DYNC1H1: variants seen among roughly 807,000 people sequenced by gnomAD.
DYNC1H1 encodes the protein cytoplasmic dynein 1 heavy chain 1.
Under a neutral mutation model 527.1 loss-of-function variants are expected in DYNC1H1, and 51 were observed. That is an observed-to-expected ratio of 0.10 (90% CI 0.08 to 0.12). The LOEUF is 0.12. Among genes scored for constraint, DYNC1H1 ranks in the 10% least tolerant of loss-of-function variants. DYNC1H1 has a pLI of 1.00. For synonymous variants in DYNC1H1, 2,189 were observed against 2,278.8 expected (o/e 0.96, Z 1.12); for missense variants, 2,771 against 5,971.8 (o/e 0.46, Z 17.66).
At chr14:102,013,205 C>T (rs562759716) in intron 34 of DYNC1H1, among the ~76,000 whole-genome samples, 57 of 143,390 alleles carry the variant, frequency 4.0e-4, no homozygotes, top group Non-Finnish European at 6.2e-4. Flanking sequence ...GCCGAGATCG[C>T]GCCACTGCAC....
In DYNC1H1 at chr14:102,022,157, G is replaced by A. The variant is rs564655339; in HGVS notation, c.8508-594G>A. Among the ~76,000 whole-genome samples the A allele has an allele frequency of 1.5e-4, 23 of 151,726 alleles. No homozygotes were observed. In the East Asian group the frequency reaches 1.8e-3, roughly 12 times the overall value. ...TAAGTAAGTAAGTAAGTAAGATCGC[G>A]CCACTGCACTTCAGCCTGTTGCCAG... On this transcript the variant is annotated intron_variant, in intron 42 of 77. Transcript: ENST00000360184.
At position 102,033,592 on chromosome 14, in the gene DYNC1H1, T is replaced by A; in HGVS notation, c.10413+108T>A. ...TGCTGGCCTCGGTGAATTCGCTCTT[T>A]AACATCTGTAAGGCCCCGGAGGACT... On this transcript the variant is annotated intron_variant, in intron 54 of 77. Coordinates refer to ENST00000360184, the MANE Select transcript of DYNC1H1 (RefSeq NM_001376.5). This position sits in a 1 kb window ranked among gnomAD's most constrained non-coding sequence, Gnocchi z 5.6. 7.0e-7 allele frequency: 1 copy of A among 1,425,416 alleles called. No individual in the cohort carries two copies. Among genetic ancestry groups the A allele is most frequent in the Non-Finnish European group, 9.6e-7 (1 of 1,038,064 alleles). The allele number at this position is 1,425,416 out of a possible 1,614,324, so 88.3% of individuals were successfully genotyped here. A position where few individuals can be genotyped will look rare whatever the true frequency, so the allele number is the denominator to read the frequency against.
chr14:101,991,633 T>C lies in DYNC1H1; in HGVS notation c.2975T>C (p.Val992Ala). 1 of 1,614,180 alleles carries C rather than the reference T, an allele frequency of 6.2e-7. No individual in the cohort carries two copies. The highest frequency in any genetic ancestry group is 8.5e-7 in the Non-Finnish European group (1 of 1,180,026). Residue 992 changes from valine to alanine, a missense_variant, in exon 11 of 78, where the codon GTT becomes GCT. Val to Ala is a moderately conservative substitution (Grantham distance 64). Coordinates refer to ENST00000360184, the MANE Select transcript of DYNC1H1 (RefSeq NM_001376.5). ...CAGGAAATGTTTGCCTGGAAGATGGTTGTACTGTCTCTCCCCAGGATCCAG... is the reference window on the plus strand; with the variant it reads ...CAGGAAATGTTTGCCTGGAAGATGGCTGTACTGTCTCTCCCCAGGATCCAG... The part of the protein sequence containing the change: ...LYQEMFAWKM[V>A]VLSLPRIQSQ...
intron 56 of DYNC1H1, chr14:102,035,801 A>C (rs2048567832): frequency 6.5e-6 from 1 of 152,688 alleles, no homozygotes; most frequent in Non-Finnish European, 1.5e-5. Flanking sequence ...AACTGGTAAA[A>C]GCCATCACCT....
Position 102,044,554 on chromosome 14 carries a change from G to A in DYNC1H1, c.12903-41G>A, listed in dbSNP as rs201925197. 1.7e-5 allele frequency: 27 copies of A among 1,613,818 alleles called. No homozygotes were observed. The highest frequency in any genetic ancestry group is 2.1e-5 in the Non-Finnish European group (25 of 1,179,836). ...GTCAGGGCGTCTGGTGTCACTCAGA[G>A]GTGACCCCTGACATCATTTCCAAAT... On this transcript the variant is annotated intron_variant, in intron 71 of 77. Coordinates refer to ENST00000360184, the MANE Select transcript of DYNC1H1 (RefSeq NM_001376.5). The surrounding 1 kb of genome is among the most constrained non-coding windows in gnomAD (Gnocchi z 7.1).
chr14:102,004,563 C>T lies in DYNC1H1; in HGVS notation c.4929C>T (p.Asn1643=). Residue 1643 remains asparagine (N), a synonymous_variant, in exon 24 of 78, where the codon AAC becomes AAT. Transcript: ENST00000360184. ...AAGATTTGCTTGAAATCATTGGAAACAGCAAGAATGTCGCTAAATTACAGA... is the reference window on the plus strand; with the variant it reads ...AAGATTTGCTTGAAATCATTGGAAATAGCAAGAATGTCGCTAAATTACAGA... ...GDEDLLEIIG[N]SKNVAKLQKH... is the part of the protein sequence containing the mutation. 6.2e-7 allele frequency: 1 copy of T among 1,613,962 alleles called. No homozygotes were observed. Among genetic ancestry groups the T allele is most frequent in the Non-Finnish European group, 8.5e-7 (1 of 1,179,926 alleles).
intron 72 of DYNC1H1, chr14:102,045,372 A>AG (rs371345429): frequency 7.9e-5 from 12 of 152,684 alleles, no homozygotes; most frequent in African/African-American, 2.9e-4. Context: ...GCACTTTGGG[A>AG]GGCTGAGGTG....
chr14:102,010,245 T>TA lies in DYNC1H1; in HGVS notation c.6222-31_6222-30insA. ...TATTATTGCTTAAAGTATACTGTTA[T>TA]TAAAGATAGCCTTTTTTTCTTCTTT... On this transcript the variant is annotated intron_variant, in intron 30 of 77. Transcript: ENST00000360184. This position sits in a 1 kb window ranked among gnomAD's most constrained non-coding sequence, Gnocchi z 6.0. The TA allele has an allele frequency of 6.2e-7, 1 of 1,613,804 alleles. No homozygotes were observed. Among genetic ancestry groups the TA allele is most frequent in the South Asian group, 1.1e-5 (1 of 91,030 alleles).
intron 7 of DYNC1H1, among the ~76,000 whole-genome samples, chr14:101,984,874 A>G (rs1254153334): frequency 2.1e-5 from 3 of 140,922 alleles, no homozygotes; most frequent in Non-Finnish European, 4.5e-5. Context: ...CGGAGCTTGC[A>G]GTGAGCCGAG....
intron 1 of DYNC1H1, among the ~76,000 whole-genome samples, chr14:101,967,059 C>G (rs1326181413): frequency 6.6e-6 from 1 of 152,138 alleles, no homozygotes; most frequent in Non-Finnish European, 1.5e-5. Flanking sequence ...TTCAACCTGT[C>G]TATAATTTAT....
Position 102,010,805 on chromosome 14 carries a change from C to T in DYNC1H1, c.6471C>T (p.Leu2157=). ...PKLVAEDIPL[L]FSLLSDVFPG... Reference sequence around the variant, plus strand: ...TGGTGGCAGAGGACATCCCGCTGCTCTTCAGCCTCCTGTCGGACGTGTTCC... The same window carrying T: ...TGGTGGCAGAGGACATCCCGCTGCTTTTCAGCCTCCTGTCGGACGTGTTCC... The change falls in exon 32 of 78, where the codon CTC becomes CTT. Residue 2157 remains leucine (L), a synonymous_variant. Transcript: ENST00000360184. This position sits in a 1 kb window ranked among gnomAD's most constrained non-coding sequence, Gnocchi z 6.0. 1 of 1,614,102 alleles carries T rather than the reference C, an allele frequency of 6.2e-7. No individual in the cohort carries two copies. Among genetic ancestry groups the T allele is most frequent in the Non-Finnish European group, 8.5e-7 (1 of 1,180,020 alleles).
intron 72 of DYNC1H1, among the ~76,000 whole-genome samples, chr14:102,045,967 C>T (rs973846585): frequency 1.3e-5 from 2 of 152,018 alleles, no homozygotes; most frequent in African/African-American, 4.8e-5. Flanking sequence ...GAGATGGAGA[C>T]CATCCTGGCT....
At position 102,039,397 on chromosome 14, in the gene DYNC1H1, A is replaced by G. The variant is rs778599851; in HGVS notation, c.11461-15A>G. On this transcript the variant is annotated splice_polypyrimidine_tract_variant and intron_variant, in intron 60 of 77. Transcript: ENST00000360184. This position sits in a 1 kb window ranked among gnomAD's most constrained non-coding sequence, Gnocchi z 7.0. ...CGAGGGAGCTGCCTCACCGCTGCCCACTGCTTCCTTTCAGATACACTTCTT... is the reference window on the plus strand; with the variant it reads ...CGAGGGAGCTGCCTCACCGCTGCCCGCTGCTTCCTTTCAGATACACTTCTT... 7 of 1,614,080 alleles carry G rather than the reference A, an allele frequency of 4.3e-6. No individual in the cohort carries two copies. In the African/African-American group the frequency reaches 9.3e-5, roughly 22 times the overall value.
Position 102,022,862 on chromosome 14 carries a change from C to T in DYNC1H1, c.8619C>T (p.Tyr2873=), listed in dbSNP as rs1567015162. ...AGGCAATGAGCCGACCCATCTTGTA[C>T]AGCAACTGGCTGTCAAAGGTAGCAA... ...REKAMSRPIL[Y]SNWLSKDYIP... is the part of the protein sequence containing the mutation. The change falls in exon 43 of 78, where the codon TAC becomes TAT. Residue 2873 remains tyrosine (Y), a synonymous_variant. Coordinates refer to ENST00000360184, the MANE Select transcript of DYNC1H1 (RefSeq NM_001376.5). The T allele has an allele frequency of 2.5e-6, 4 of 1,614,130 alleles. No homozygotes were observed. The highest frequency in any genetic ancestry group is 2.5e-6 in the Non-Finnish European group (3 of 1,180,054).
chr14:101,991,089 G>A (rs942371581), intron 10 of DYNC1H1, among the ~76,000 whole-genome samples: 12 of 151,966 alleles, frequency 7.9e-5, no homozygotes, highest in South Asian at 2.1e-4. Flanking sequence ...GGGCTGAGGC[G>A]GGAGGATTGC....
Position 102,017,518 on chromosome 14 carries a change from G to C in DYNC1H1, c.8177+14G>C. 6.2e-7 allele frequency: 1 copy of C among 1,613,312 alleles called. No individual in the cohort carries two copies. Among genetic ancestry groups the C allele is most frequent in the Non-Finnish European group, 8.5e-7 (1 of 1,179,958 alleles). On this transcript the variant is annotated intron_variant, in intron 40 of 77. Transcript: ENST00000360184. This position sits in a 1 kb window ranked among gnomAD's most constrained non-coding sequence, Gnocchi z 4.6. ...CCTCTCACACAGGTAAAACAGCTCG[G>C]TAGACTGCTCTGCTTCACACACGCA...
chr14:102,048,284 TC>T (rs2048754816), intron 73 of DYNC1H1: 3 of 716,822 alleles, frequency 4.2e-6, no homozygotes, highest in Non-Finnish European at 6.9e-6. Flanking sequence ...CAGCCCTTCC[TC>T]CCTAGAGAGC....
At chr14:102,045,774 G>A (rs955855511) in intron 72 of DYNC1H1, among the ~76,000 whole-genome samples, 1 of 151,856 alleles carries the variant, frequency 6.6e-6, no homozygotes, top group Non-Finnish European at 1.5e-5. Context: ...TTCAAGTGCT[G>A]TGAGCCAGAA....
At chr14:102,023,314 G>C (rs111646355) in intron 43 of DYNC1H1, 21 of 331,262 alleles carry the variant, frequency 6.3e-5, no homozygotes, top group African/African-American at 4.5e-4. Flanking sequence ...ACTTTGGGAG[G>C]CTGAGGCGGT....
Sources: allele counts gnomAD v4.1 joint callset (sites outside exome capture counted in the v4.1 genomes callset), GRCh38; gene constraint gnomAD v4.1.1; non-coding constraint Gnocchi (gnomAD v3.1); transcripts MANE v1.5; gene names NCBI Gene and HGNC (gene_info 2026-07-23, HGNC 2026-07-21).